The following TRA2A variants were observed in gnomAD, a reference collection of about 807,000 sequenced individuals.
TRA2A encodes transformer 2 alpha homolog.
In TRA2A, 31 loss-of-function variants were observed where a neutral mutation model predicts 45.7. That is an observed-to-expected ratio of 0.68 (90% CI 0.51 to 0.92). The LOEUF is 0.92. Among genes scored for constraint, TRA2A ranks in the 40% least tolerant of loss-of-function variants. TRA2A has a pLI of 0.00. For missense variants in TRA2A, 304 were observed against 367.5 expected, an observed-to-expected ratio of 0.83 and a Z score of 1.41; for synonymous variants, 132 against 126.2, an observed-to-expected ratio of 1.05 and a Z score of -0.31.
intron 4 of TRA2A, among the ~76,000 whole-genome samples, chr7:23,508,836 C>T (rs1470232122): frequency 6.6e-6 from 1 of 152,098 alleles, no homozygotes; most frequent in African/African-American, 2.4e-5. Context: ...GTTGCCCAGG[C>T]TGGTCTCTTA....
intron 1 of TRA2A, among the ~76,000 whole-genome samples, chr7:23,524,555 G>T (rs1381517626): frequency 6.6e-6 from 1 of 152,104 alleles, no homozygotes; most frequent in Non-Finnish European, 1.5e-5. Flanking sequence ...AACCTCCTTT[G>T]TTGTCTGCCC....
chr7:23,516,580 C>G, intron 2 of TRA2A, 52 bp from the exon 3 acceptor site: 2 of 1,552,332 alleles, frequency 1.3e-6, no homozygotes, highest in Non-Finnish European at 1.8e-6. Context: ...TGGCTAAAGT[C>G]CTTCCCTCTT....
At chr7:23,518,000 A>T (rs1010525243) in intron 2 of TRA2A, among the ~76,000 whole-genome samples, 3 of 150,206 alleles carry the variant, frequency 2.0e-5, no homozygotes, top group South Asian at 2.2e-4. Context: ...GTGCAGTGGC[A>T]TGATCTCAGC....
At chr7:23,515,010 CA>C (rs1789795217) in intron 3 of TRA2A, among the ~76,000 whole-genome samples, 1 of 152,124 alleles carries the variant, frequency 6.6e-6, no homozygotes, top group African/African-American at 2.4e-5. Flanking sequence ...CCTTCAATGT[CA>C]TACATCCAAG....
At chr7:23,514,663 T>C (rs1458161717) in intron 3 of TRA2A, among the ~76,000 whole-genome samples, 1 of 152,094 alleles carries the variant, frequency 6.6e-6, no homozygotes, top group African/African-American at 2.4e-5. Flanking sequence ...GGCCTGATCA[T>C]GGCTCACTGC....
chr7:23,510,251 C>G (rs1789537369), intron 4 of TRA2A, among the ~76,000 whole-genome samples: 1 of 152,148 alleles, frequency 6.6e-6, no homozygotes, highest in South Asian at 2.1e-4. Flanking sequence ...CATATTGTCA[C>G]CTAGTGAACT....
At chr7:23,529,060 G>A (rs1433082031) in intron 1 of TRA2A, among the ~76,000 whole-genome samples, 1 of 152,146 alleles carries the variant, frequency 6.6e-6, no homozygotes, top group East Asian at 1.9e-4. Flanking sequence ...AAAATTTTAG[G>A]GGTAGAGGTG....
Position 23,521,657 on chromosome 7 carries a change from C to T in TRA2A, c.170+50G>A, listed in dbSNP as rs115523489. 8.5e-4 allele frequency: 1,364 copies of T among 1,596,444 alleles called. 10 individuals are homozygous for T. In the African/African-American group the frequency reaches 0.017, roughly 20 times the overall value. On this transcript the variant is annotated intron_variant, in intron 2 of 7. Transcript: ENST00000297071. The stretch of plus-strand genomic sequence containing the variant: ...AAAATGCAGCCAACAACTGCTTTGT[C>T]CTCAAAAACCCCAGAAGAATATTTT...
intron 4 of TRA2A, among the ~76,000 whole-genome samples, chr7:23,509,422 C>T (rs565737782): frequency 8.5e-5 from 13 of 152,238 alleles, no homozygotes; most frequent in African/African-American, 2.9e-4. Context: ...AAAAGGAATA[C>T]AAATTTTAAA....
chr7:23,505,709 TGA>T, intron 7 of TRA2A, 35 bp downstream of exon 7: 1 of 1,378,574 alleles, frequency 7.3e-7, no homozygotes. Flanking sequence ...TAATTAGAAA[TGA>T]GGTTTTTTAT....
chr7:23,531,651 G>C, intron 1 of TRA2A, 138 bp downstream of exon 1: 1 of 867,056 alleles, frequency 1.2e-6, no homozygotes, highest in South Asian at 1.5e-5. Flanking sequence ...GCCATCTTGG[G>C]ATGGGAGGAA....
intron 1 of TRA2A, chr7:23,531,405 G>A (rs1044704665): frequency 2.0e-4 from 60 of 299,348 alleles, no homozygotes; most frequent in Non-Finnish European, 2.9e-4. Context: ...TGCCACCGCA[G>A]GAAGCACCTA....
chr7:23,517,833 AC>A (rs1311091257), intron 2 of TRA2A, among the ~76,000 whole-genome samples: 2 of 151,936 alleles, frequency 1.3e-5, no homozygotes, highest in Non-Finnish European at 2.9e-5. Flanking sequence ...AATCACTTGA[AC>A]CCGGGAGGTG....
chr7:23,520,002 C>T (rs1790060281), intron 2 of TRA2A, among the ~76,000 whole-genome samples: 1 of 152,142 alleles, frequency 6.6e-6, no homozygotes, highest in Non-Finnish European at 1.5e-5. Context: ...CCGAGGTGGG[C>T]GGATCACCTG....
intron 6 of TRA2A, 138 bp from the exon 7 acceptor site, chr7:23,505,951 T>C: frequency 2.9e-6 from 2 of 695,908 alleles, no homozygotes. Context: ...TTTCTGCCAA[T>C]GAGACCAGAA....
At chr7:23,528,397 T>A (rs1790427916) in intron 1 of TRA2A, among the ~76,000 whole-genome samples, 1 of 152,020 alleles carries the variant, frequency 6.6e-6, no homozygotes, top group South Asian at 2.1e-4. Flanking sequence ...TAGTAGAGAC[T>A]GTATTTCACC....
intron 1 of TRA2A, among the ~76,000 whole-genome samples, chr7:23,524,881 AG>A (rs1000826022): frequency 2.0e-5 from 3 of 150,432 alleles, no homozygotes; most frequent in African/African-American, 7.3e-5. Context: ...TAGTAGAGAT[AG>A]GGTTTCCCTA....
intron 3 of TRA2A, 129 bp from the exon 4 acceptor site, chr7:23,513,211 AT>A: frequency 1.4e-6 from 1 of 701,412 alleles, no homozygotes; most frequent in Non-Finnish European, 2.2e-6. Context: ...TGGAGATAAG[AT>A]TTTAAGAGAA....
chr7:23,512,852 C>T lies in TRA2A; in HGVS notation c.525+42G>A, dbSNP rs143757182. Reference sequence around the variant, plus strand: ...TAAGTCTATTAATCAACTTTTCACACTAATTCAGTACTATAATCAGGCATA... The same window carrying T: ...TAAGTCTATTAATCAACTTTTCACATTAATTCAGTACTATAATCAGGCATA... On this transcript the variant is annotated intron_variant, in intron 4 of 7. Coordinates refer to ENST00000297071, the MANE Select transcript of TRA2A (RefSeq NM_013293.5). 1.6e-4 allele frequency: 225 copies of T among 1,392,312 alleles called. No individual in the cohort carries two copies. In the East Asian group the frequency reaches 5.5e-3, roughly 34 times the overall value. The allele number at this position is 1,392,312 out of a possible 1,614,324, so 86.2% of individuals were successfully genotyped here.
Sources: gnomAD v4.1 joint callset for allele counts (sites outside exome capture counted in the v4.1 genomes callset) on GRCh38, gnomAD v4.1.1 for gene constraint, MANE v1.5 for transcripts, NCBI Gene and HGNC (gene_info 2026-07-23, HGNC 2026-07-21) for gene names.